The following RGS12 variants were observed in gnomAD, a reference collection of about 807,000 sequenced individuals.
RGS12 encodes regulator of G protein signaling 12.
A neutral mutation model predicts 120.1 loss-of-function variants in RGS12; 66 were observed. That is an observed-to-expected ratio of 0.55 (90% CI 0.45 to 0.67). The LOEUF (loss-of-function observed/expected upper bound fraction) is 0.67, where lower values mean the gene tolerates loss of function less well. Among genes scored for constraint, RGS12 ranks in the 30% least tolerant of loss-of-function variants. The pLI is 0.00. For synonymous variants in RGS12, 827 were observed against 804.7 expected (o/e 1.03, Z -0.47); for missense variants, 1,859 against 1,957.7 (o/e 0.95, Z 0.95).
At chr4:3,298,224 A>G (rs777766429) in intron 1 of RGS12, among the ~76,000 whole-genome samples, 11 of 152,062 alleles carry the variant, frequency 7.2e-5, no homozygotes, top group Non-Finnish European at 1.3e-4. Flanking sequence ...GAAGTTTTTA[A>G]ATTTCAAAGA....
intron 1 of RGS12, among the ~76,000 whole-genome samples, chr4:3,296,060 C>G (rs576895698): frequency 4.0e-5 from 6 of 148,920 alleles, no homozygotes; most frequent in Non-Finnish European, 2.9e-5. Context: ...CGTTCACCCC[C>G]CTGGTCAGCT....
intron 2 of RGS12, among the ~76,000 whole-genome samples, chr4:3,330,157 T>C (rs1711672625): frequency 6.6e-6 from 1 of 152,198 alleles, no homozygotes; most frequent in Non-Finnish European, 1.5e-5. Context: ...CCATGAAGTA[T>C]CTCCATTTTG....
Position 3,417,474 on chromosome 4 carries a change from C to T in RGS12, c.2694C>T (p.Phe898=). The T allele has an allele frequency of 6.2e-7, 1 of 1,613,320 alleles. No individual in the cohort carries two copies. The highest frequency in any genetic ancestry group is 8.5e-7 in the Non-Finnish European group (1 of 1,179,786). The change falls in exon 9 of 18, where the codon TTC becomes TTT. Residue 898 remains phenylalanine (F), a synonymous_variant. Transcript: ENST00000336727. The part of the protein sequence containing the change: ...DSEKKRKGAF[F]SWSRTRSTGR... ...AGAAGAAGCGGAAAGGCGCGTTTTTCTCGTGGTCGCGGACCAGGAGCACCG... is the reference window on the plus strand; with the variant it reads ...AGAAGAAGCGGAAAGGCGCGTTTTTTTCGTGGTCGCGGACCAGGAGCACCG...
intron 2 of RGS12, among the ~76,000 whole-genome samples, chr4:3,334,891 G>C (rs1462095699): frequency 2.0e-5 from 3 of 152,092 alleles, no homozygotes; most frequent in Non-Finnish European, 4.4e-5. Context: ...CTTGGCTCTG[G>C]GATATTACTG....
intron 13 of RGS12, chr4:3,423,856 C>T (rs1723307871): frequency 7.1e-6 from 4 of 567,376 alleles, no homozygotes; most frequent in Non-Finnish European, 1.2e-5. Context: ...TTGGTCATTC[C>T]AAAAAGAATT....
At chr4:3,308,317 C>T (rs756153926) in intron 1 of RGS12, among the ~76,000 whole-genome samples, 5 of 152,214 alleles carry the variant, frequency 3.3e-5, no homozygotes, top group Admixed American at 6.5e-5. Flanking sequence ...GCTGTGTCCT[C>T]GACGCGAGGG....
At chr4:3,312,677 C>T (rs1013706316) in intron 1 of RGS12, 106 of 226,862 alleles carry the variant, frequency 4.7e-4, no homozygotes, top group African/African-American at 2.2e-3. Flanking sequence ...AGGAAGATCA[C>T]GGTGCTGCTG....
At chr4:3,357,820 TG>T (rs1234032457) in intron 3 of RGS12, among the ~76,000 whole-genome samples, 1 of 152,168 alleles carries the variant, frequency 6.6e-6, no homozygotes, top group Non-Finnish European at 1.5e-5. Context: ...TTTTCAAGAT[TG>T]TTTGGGCTAT....
chr4:3,288,950 C>G (rs1476002383), upstream of RGS12, among the ~76,000 whole-genome samples: 2 of 152,144 alleles, frequency 1.3e-5, no homozygotes, highest in Non-Finnish European at 2.9e-5. This position sits in a 1 kb window ranked among gnomAD's most constrained non-coding sequence, Gnocchi z 5.2. Flanking sequence ...TGGGCTGACT[C>G]CAGCCTGGCT....
At chr4:3,286,864 C>T in the RGS12 span, among the ~76,000 whole-genome samples, 1 of 152,224 alleles carries the variant, frequency 6.6e-6, no homozygotes, top group Admixed American at 6.5e-5. Context: ...CGAATGGGAG[C>T]CCGGTCAGCA....
chr4:3,320,596 C>T (rs1417088016), intron 2 of RGS12, among the ~76,000 whole-genome samples: 1 of 152,246 alleles, frequency 6.6e-6, no homozygotes, highest in African/African-American at 2.4e-5. Context: ...CATAATGTGG[C>T]GTGATACACT....
chr4:3,308,075 C>T (rs996581072), intron 1 of RGS12, among the ~76,000 whole-genome samples: 6 of 152,230 alleles, frequency 3.9e-5, no homozygotes, highest in African/African-American at 9.6e-5. Flanking sequence ...CAGGACCATG[C>T]GGTCAGGTGT....
chr4:3,429,367 C>T (rs1479843005), intron 16 of RGS12, among the ~76,000 whole-genome samples: 4 of 152,208 alleles, frequency 2.6e-5, no homozygotes, highest in Admixed American at 6.5e-5. Flanking sequence ...TCATCCAGGG[C>T]GTACTTGCCA....
At chr4:3,326,708 A>G (rs1382382420) in intron 2 of RGS12, among the ~76,000 whole-genome samples, 3 of 152,236 alleles carry the variant, frequency 2.0e-5, no homozygotes, top group Non-Finnish European at 4.4e-5. Context: ...AAGCAATCCC[A>G]TTTACAATAA....
intron 1 of RGS12, among the ~76,000 whole-genome samples, chr4:3,297,823 G>A (rs759453839): frequency 2.0e-5 from 3 of 152,080 alleles, no homozygotes; most frequent in Non-Finnish European, 4.4e-5. Context: ...CCTGTGCACT[G>A]GGTCCTGCTC....
intron 6 of RGS12, 97 bp from the exon 7 acceptor site, chr4:3,415,881 A>C: frequency 7.5e-7 from 1 of 1,325,166 alleles, no homozygotes; most frequent in Non-Finnish European, 1.0e-6. Flanking sequence ...GCCCGTGAGA[A>C]CACATCTGTA....
chr4:3,425,166 G>A (rs1369688140), intron 13 of RGS12, among the ~76,000 whole-genome samples: 1 of 152,158 alleles, frequency 6.6e-6, no homozygotes, highest in Non-Finnish European at 1.5e-5. Flanking sequence ...AGTTTCGAGG[G>A]TCAGTATTTC....
intron 17 of RGS12, chr4:3,431,268 G>A (rs1164676511): frequency 4.9e-6 from 6 of 1,220,096 alleles, no homozygotes; most frequent in Non-Finnish European, 6.1e-6. Context: ...GTGAGGCCTG[G>A]GGGTTTCCGA....
intron 3 of RGS12, among the ~76,000 whole-genome samples, chr4:3,384,177 C>G (rs369124460): frequency 6.6e-6 from 1 of 152,160 alleles, no homozygotes; most frequent in African/African-American, 2.4e-5. Flanking sequence ...TATTTTAAGA[C>G]GGAGTCTCAC....
Sources: gnomAD v4.1 joint callset for allele counts (sites outside exome capture counted in the v4.1 genomes callset) on GRCh38, gnomAD v4.1.1 for gene constraint, Gnocchi (gnomAD v3.1) non-coding constraint, MANE v1.5 for transcripts, NCBI Gene and HGNC (gene_info 2026-07-23, HGNC 2026-07-21) for gene names.